PRPF18: variants seen among roughly 807,000 people sequenced by gnomAD.
PRPF18 encodes the protein pre-mRNA-splicing factor 18.
PRPF18 carries 38 observed loss-of-function variants against 46.5 expected under a neutral mutation model. The ratio of observed to expected loss-of-function variants is 0.82; its 90% confidence interval spans 0.63 to 1.07. The LOEUF (loss-of-function observed/expected upper bound fraction) is 1.07, where lower values mean the gene tolerates loss of function less well. Ranked by LOEUF, PRPF18 falls within the 50% of genes least tolerant of loss-of-function variation. The pLI is 0.00. For synonymous variants in PRPF18, 152 were observed against 146.7 expected (o/e 1.04, Z -0.26); for missense variants, 263 against 410.0 (o/e 0.64, Z 3.10).
chr10:13,605,267 A>G (rs1337807021), intron 3 of PRPF18, among the ~76,000 whole-genome samples: 1 of 152,110 alleles, frequency 6.6e-6, no homozygotes, highest in Non-Finnish European at 1.5e-5. Context: ...ATTGTTTTTG[A>G]GATGTTTAGT....
chr10:13,646,489 C>T, the PRPF18 span: 1 of 152,276 alleles, frequency 6.6e-6, no homozygotes, highest in Non-Finnish European at 1.5e-5. Flanking sequence ...ACGAGGCCTC[C>T]TCTTCATGAA....
chr10:13,627,016 T>A (rs1159723243), intron 9 of PRPF18, among the ~76,000 whole-genome samples: 1 of 152,190 alleles, frequency 6.6e-6, no homozygotes, highest in African/African-American at 2.4e-5. Flanking sequence ...GTCTTCTCTC[T>A]GGTCCCTGAG....
intron 8 of PRPF18, among the ~76,000 whole-genome samples, chr10:13,615,470 A>G (rs931696315): frequency 6.6e-6 from 1 of 152,258 alleles, no homozygotes; most frequent in African/African-American, 2.4e-5. Flanking sequence ...ATTAAGCTTT[A>G]TAAAACCGGT....
intron 5 of PRPF18, 116 bp downstream of exon 5, chr10:13,610,301 T>C: frequency 8.8e-7 from 1 of 1,141,798 alleles, no homozygotes; most frequent in Non-Finnish European, 1.2e-6. Flanking sequence ...TGGTCTTTTG[T>C]TTATTTACTC....
chr10:13,630,188 G>A, intron 9 of PRPF18, 72 bp from the exon 10 acceptor site: 3 of 1,227,702 alleles, frequency 2.4e-6, no homozygotes, highest in South Asian at 2.4e-5. Flanking sequence ...AACTGATAAC[G>A]AGTTCAGAGG....
chr10:13,597,525 G>A lies in PRPF18; in HGVS notation c.134G>A (p.Cys45Tyr). The A allele has an allele frequency of 6.2e-7, 1 of 1,610,776 alleles. No individual in the cohort carries two copies. Among genetic ancestry groups the A allele is most frequent in the Non-Finnish European group, 8.5e-7 (1 of 1,178,226 alleles). The stretch of plus-strand genomic sequence containing the variant: ...GAAGAGGAAGCATATTTTGAAAGAT[G>A]TGGCTACAAGGTATGAATGTCTGCT... Reference protein sequence around the residue: ...KKEEEAYFERCGYKIQPKEED... With the variant: ...KKEEEAYFERYGYKIQPKEED... The change falls in exon 2 of 10, where the codon TGT becomes TAT. Residue 45 changes from cysteine to tyrosine, a missense_variant. Physicochemically the swap from Cys to Tyr is radical, Grantham distance 194 (BLOSUM62 -2). Around this residue, in one of 4 missense-constraint regions of PRPF18, gnomAD observed 71 missense variants for 69.2 expected, o/e 1.03. Transcript: ENST00000378572.
intron 9 of PRPF18, among the ~76,000 whole-genome samples, chr10:13,621,829 TAA>T (rs2080424421): frequency 6.6e-6 from 1 of 152,238 alleles, no homozygotes; most frequent in Non-Finnish European, 1.5e-5. Flanking sequence ...CTTAAGTTTA[TAA>T]GTTTCCTAGT....
chr10:13,630,981 T>A (rs963937176), downstream of PRPF18: 10 of 152,178 alleles, frequency 6.6e-5, no homozygotes, highest in African/African-American at 2.4e-4. Flanking sequence ...GAAATAGAAG[T>A]TTGAAGAAAC....
chr10:13,648,014 C>CCAAA, the PRPF18 span: 2 of 145,342 alleles, frequency 1.4e-5, no homozygotes, highest in African/African-American at 5.0e-5. Context: ...CATTTCGGTA[C>CCAAA]CAAACACAGC....
the PRPF18 span, chr10:13,647,069 T>C: frequency 4.5e-6 from 2 of 442,112 alleles, no homozygotes; most frequent in Non-Finnish European, 5.7e-6. Flanking sequence ...ATGAGACAGT[T>C]AGTTAGTGGA....
the PRPF18 span, chr10:13,654,064 A>G: frequency 6.7e-6 from 3 of 448,002 alleles, no homozygotes; most frequent in Admixed American, 7.8e-5. Flanking sequence ...TCCCCCTGAC[A>G]TTCTTGCCTG....
At chr10:13,602,881 C>T (rs1355869138) in intron 3 of PRPF18, among the ~76,000 whole-genome samples, 1 of 152,150 alleles carries the variant, frequency 6.6e-6, no homozygotes, top group East Asian at 1.9e-4. Flanking sequence ...TGCAGGTATG[C>T]ACCACCAGGC....
chr10:13,635,758 C>T (rs147910682), downstream of PRPF18, among the ~76,000 whole-genome samples: 226 of 151,856 alleles, frequency 1.5e-3, no homozygotes, highest in African/African-American at 5.0e-3. Flanking sequence ...GGAAAACCAC[C>T]GATTAAAGCA....
At chr10:13,617,161 C>G (rs574819211) in intron 9 of PRPF18, among the ~76,000 whole-genome samples, 1 of 152,260 alleles carries the variant, frequency 6.6e-6, no homozygotes, top group East Asian at 1.9e-4. Flanking sequence ...GTAGTGTTTG[C>G]CAGATTGTCA....
At chr10:13,601,636 G>A (rs1211224356) in intron 3 of PRPF18, among the ~76,000 whole-genome samples, 1 of 152,046 alleles carries the variant, frequency 6.6e-6, no homozygotes, top group East Asian at 1.9e-4. Flanking sequence ...AGTACATTTT[G>A]AAGGCCATTT....
intron 9 of PRPF18, among the ~76,000 whole-genome samples, chr10:13,622,112 T>G (rs1238697000): frequency 6.6e-6 from 1 of 152,218 alleles, no homozygotes; most frequent in Non-Finnish European, 1.5e-5. Flanking sequence ...CACACACTTG[T>G]GGGTTGAGTG....
At chr10:13,609,173 C>G (rs1463970590) in intron 4 of PRPF18, among the ~76,000 whole-genome samples, 2 of 152,224 alleles carry the variant, frequency 1.3e-5, no homozygotes, top group African/African-American at 4.8e-5. Flanking sequence ...GTTCAAAGCT[C>G]ATCGTCCATT....
intron 9 of PRPF18, among the ~76,000 whole-genome samples, chr10:13,617,971 CAT>C (rs1024973927): frequency 2.6e-5 from 4 of 152,172 alleles, no homozygotes; most frequent in African/African-American, 4.8e-5. Flanking sequence ...AGGCTGGACT[CAT>C]AGCTCATTGA....
intron 3 of PRPF18, among the ~76,000 whole-genome samples, chr10:13,604,212 C>A (rs1340246597): frequency 6.6e-6 from 1 of 152,158 alleles, no homozygotes; most frequent in African/African-American, 2.4e-5. Context: ...TTCTGTTAAT[C>A]CACTGGGAGC....
Sources: allele counts gnomAD v4.1 joint callset (sites outside exome capture counted in the v4.1 genomes callset), GRCh38; gene constraint gnomAD v4.1.1; regional missense constraint gnomAD v4.1.1; transcripts MANE v1.5; gene names NCBI Gene and HGNC (gene_info 2026-07-23, HGNC 2026-07-21).